MARCHF1: variants seen among roughly 807,000 people sequenced by gnomAD.
MARCHF1 encodes E3 ubiquitin-protein ligase MARCHF1.
MARCHF1 carries 40 observed loss-of-function variants against 54.2 expected under a neutral mutation model. The ratio of observed to expected loss-of-function variants is 0.74; its 90% CI spans 0.57 to 0.96. The LOEUF is 0.96. Ranked by LOEUF, MARCHF1 falls within the 40% of genes least tolerant of loss-of-function variation. MARCHF1 has a pLI of 0.00. For missense variants in MARCHF1, 586 were observed against 656.5 expected, an observed-to-expected ratio of 0.89 and a Z score of 1.17; for synonymous variants, 236 against 236.3, an observed-to-expected ratio of 1.00 and a Z score of 0.01.
At chr4:164,085,202 C>T (rs535752637) in intron 2 of MARCHF1, among the ~76,000 whole-genome samples, 1 of 151,758 alleles carries the variant, frequency 6.6e-6, no homozygotes, top group African/African-American at 2.4e-5. Context: ...ATTTGAATTA[C>T]AGCAAAATTC....
intron 1 of MARCHF1, among the ~76,000 whole-genome samples, chr4:164,127,260 G>A (rs1437033736): frequency 6.6e-6 from 1 of 152,132 alleles, no homozygotes; most frequent in Admixed American, 6.5e-5. Context: ...AGTTTTGAAG[G>A]TGTGGCTTGT....
At chr4:164,194,628 G>A (rs934227247) in intron 1 of MARCHF1, among the ~76,000 whole-genome samples, 9 of 151,910 alleles carry the variant, frequency 5.9e-5, no homozygotes, top group African/African-American at 2.2e-4. Flanking sequence ...GGATAGCACT[G>A]ACTAATATCA....
intron 4 of MARCHF1, among the ~76,000 whole-genome samples, chr4:163,828,645 A>T (rs1398891329): frequency 1.3e-5 from 2 of 152,214 alleles, no homozygotes; most frequent in Non-Finnish European, 2.9e-5. Context: ...ACACACATAC[A>T]CGCAAAGCCT....
chr4:164,086,522 T>C (rs879594450), intron 2 of MARCHF1, among the ~76,000 whole-genome samples: 1 of 152,040 alleles, frequency 6.6e-6, no homozygotes, highest in Non-Finnish European at 1.5e-5. Flanking sequence ...TATTGAACAT[T>C]ATTAACTGTG....
chr4:164,117,958 A>C (rs1755972390), intron 1 of MARCHF1, among the ~76,000 whole-genome samples: 1 of 152,044 alleles, frequency 6.6e-6, no homozygotes, highest in Non-Finnish European at 1.5e-5. Context: ...AAATTAAAAA[A>C]CACATGAGTG....
chr4:164,057,148 C>G (rs991468937), intron 2 of MARCHF1, among the ~76,000 whole-genome samples: 1 of 152,064 alleles, frequency 6.6e-6, no homozygotes, highest in African/African-American at 2.4e-5. Context: ...AAACAAGGAG[C>G]TTTATATTTT....
At chr4:163,976,088 T>C (rs772369219) in intron 3 of MARCHF1, among the ~76,000 whole-genome samples, 2 of 152,146 alleles carry the variant, frequency 1.3e-5, no homozygotes, top group Non-Finnish European at 2.9e-5. Flanking sequence ...GAAATAAAAG[T>C]AGATCCTAGT....
At chr4:164,084,362 AT>A (rs1412488933) in intron 2 of MARCHF1, among the ~76,000 whole-genome samples, 1 of 151,912 alleles carries the variant, frequency 6.6e-6, no homozygotes, top group African/African-American at 2.4e-5. Flanking sequence ...CATAATAAAT[AT>A]TTGGTGAATT....
intron 1 of MARCHF1, among the ~76,000 whole-genome samples, chr4:164,210,059 G>T (rs1000736406): frequency 6.6e-6 from 1 of 152,020 alleles, no homozygotes; most frequent in Admixed American, 6.5e-5. Context: ...CAGTACAAAA[G>T]AAAGCTCTGC....
At chr4:163,781,778 CAT>C (rs1008981667) in intron 4 of MARCHF1, among the ~76,000 whole-genome samples, 3 of 152,176 alleles carry the variant, frequency 2.0e-5, no homozygotes, top group African/African-American at 7.2e-5. Flanking sequence ...AAAACAAAAA[CAT>C]TTTCTGTAAG....
intron 2 of MARCHF1, among the ~76,000 whole-genome samples, chr4:164,078,865 C>T (rs930975322): frequency 6.6e-6 from 1 of 151,992 alleles, no homozygotes; most frequent in African/African-American, 2.4e-5. Flanking sequence ...CACATGTATA[C>T]ATATGTAACA....
At chr4:164,027,631 T>C (rs911470727) in intron 2 of MARCHF1, among the ~76,000 whole-genome samples, 1 of 151,968 alleles carries the variant, frequency 6.6e-6, no homozygotes, top group Non-Finnish European at 1.5e-5. Context: ...GTGTAAGATG[T>C]CAAATTATAA....
chr4:163,658,335 G>T (rs1743223877), intron 5 of MARCHF1, among the ~76,000 whole-genome samples: 1 of 151,932 alleles, frequency 6.6e-6, no homozygotes, highest in African/African-American at 2.4e-5. Context: ...TTAGAGAAAT[G>T]CAAATCACAA....
chr4:164,267,503 C>T (rs1026137577), intron 1 of MARCHF1, among the ~76,000 whole-genome samples: 5 of 152,112 alleles, frequency 3.3e-5, no homozygotes, highest in African/African-American at 4.8e-5. Context: ...TTGCCTGTAG[C>T]CAACCCTAAG....
At chr4:164,041,995 C>T (rs17675387) in intron 2 of MARCHF1, among the ~76,000 whole-genome samples, 12,919 of 152,148 alleles carry the variant, frequency 0.085, 664 homozygotes, top group South Asian at 0.21. Context: ...ATTCACATGA[C>T]TTATAATGTC....
At chr4:164,309,283 T>TGTGTGC (rs1300594499) in intron 1 of MARCHF1, among the ~76,000 whole-genome samples, 8 of 149,194 alleles carry the variant, frequency 5.4e-5, no homozygotes, top group South Asian at 4.3e-4. Context: ...TGTGTGTGTG[T>TGTGTGC]GCGCGTGTGT....
At chr4:164,242,402 C>T (rs1292611852) in intron 1 of MARCHF1, among the ~76,000 whole-genome samples, 5 of 145,222 alleles carry the variant, frequency 3.4e-5, no homozygotes, top group Non-Finnish European at 6.0e-5. Context: ...TTCCAACAGA[C>T]CTGCAGCTGA....
chr4:164,291,645 C>T (rs1322916408), intron 1 of MARCHF1, among the ~76,000 whole-genome samples: 4 of 151,982 alleles, frequency 2.6e-5, no homozygotes, highest in Non-Finnish European at 5.9e-5. Context: ...TAGCCTATTG[C>T]TCCTAGGCTA....
chr4:164,176,776 G>A (rs1730674144), intron 1 of MARCHF1, among the ~76,000 whole-genome samples: 1 of 151,258 alleles, frequency 6.6e-6, no homozygotes, highest in Non-Finnish European at 1.5e-5. Flanking sequence ...GTCCTTCTAT[G>A]ACACTAAATA....
Sources: allele counts gnomAD v4.1 joint callset (sites outside exome capture counted in the v4.1 genomes callset), GRCh38; gene constraint gnomAD v4.1.1; transcripts MANE v1.5; gene names NCBI Gene and HGNC (gene_info 2026-07-23, HGNC 2026-07-21).